The following MZT2B variants were observed in gnomAD, a reference collection of about 807,000 sequenced individuals.
MZT2B encodes the protein mitotic spindle organizing protein 2B, also known as mitotic-spindle organizing protein 2B.
In MZT2B, 11 loss-of-function variants were observed where a neutral mutation model predicts 12.1. The observed-to-expected ratio is 0.91, with a 90% CI of 0.57 to 1.50. The LOEUF (loss-of-function observed/expected upper bound fraction) is 1.50, where lower values mean the gene tolerates loss of function less well. MZT2B is among the 40% of genes most tolerant of loss of function. MZT2B has a pLI of 0.00. For synonymous variants in MZT2B, 85 were observed against 109.5 expected (o/e 0.78, Z 1.40); for missense variants, 209 against 227.7 (o/e 0.92, Z 0.53).
chr2:130,200,540 G>A, the MZT2B span, among the ~76,000 whole-genome samples: 108 of 152,346 alleles, frequency 7.1e-4, no homozygotes, highest in African/African-American at 2.0e-3. Flanking sequence ...CAAGGCGTGT[G>A]ACTGAAGTCC....
downstream of MZT2B, among the ~76,000 whole-genome samples, chr2:130,192,735 T>C (rs1348871209): frequency 6.6e-6 from 1 of 150,784 alleles, no homozygotes; most frequent in Non-Finnish European, 1.5e-5. Context: ...GGTAATAACA[T>C]GACCTGAGGT....
At chr2:130,191,067 A>G (rs753597305), downstream of MZT2B, among the ~76,000 whole-genome samples, 1 of 152,060 alleles carries the variant, frequency 6.6e-6, no homozygotes, top group African/African-American at 2.4e-5. Flanking sequence ...CTCCTGCCTC[A>G]GCCTCCCAAG....
At chr2:130,190,906 T>C (rs1690244439), downstream of MZT2B, among the ~76,000 whole-genome samples, 1 of 152,120 alleles carries the variant, frequency 6.6e-6, no homozygotes, top group South Asian at 2.1e-4. Context: ...CCAGGTCTTT[T>C]ATAAATAGAC....
At chr2:130,202,730 C>T in the MZT2B span, among the ~76,000 whole-genome samples, 13 of 152,212 alleles carry the variant, frequency 8.5e-5, no homozygotes, top group African/African-American at 2.2e-4. Context: ...AGTTCAACCC[C>T]GCAGAGTAAG....
At chr2:130,191,776 A>C, downstream of MZT2B, 1 of 1,570,336 alleles carries the variant, frequency 6.4e-7, no homozygotes, top group South Asian at 1.2e-5. Context: ...AATTGCAAAC[A>C]ACTTGAAAGC....
At chr2:130,198,609 G>T in the MZT2B span, 12 of 459,840 alleles carry the variant, frequency 2.6e-5, 3 homozygotes, top group Admixed American at 1.8e-4. Context: ...GGAAGGCAGC[G>T]GGGTCATCAA....
chr2:130,184,626 T>G (rs1573760826), intron 2 of MZT2B: 4 of 984,252 alleles, frequency 4.1e-6, no homozygotes, highest in South Asian at 9.4e-5. Flanking sequence ...CAAGGGAGGG[T>G]GGAGAGGGGC....
At chr2:130,181,753 C>A (rs1171668533), upstream of MZT2B, 5 of 1,548,322 alleles carry the variant, frequency 3.2e-6, no homozygotes, top group Non-Finnish European at 4.4e-6. Context: ...GGGAGTGGTC[C>A]TTAGCTGAAT....
intron 2 of MZT2B, chr2:130,184,914 C>T (rs546117503): frequency 2.0e-6 from 2 of 984,692 alleles, no homozygotes; most frequent in African/African-American, 1.7e-5. Context: ...CCTGTAATCC[C>T]AGCACTTTGG....
chr2:130,194,213 T>C (rs1202641453), downstream of MZT2B: 6 of 1,612,812 alleles, frequency 3.7e-6, no homozygotes, highest in African/African-American at 2.7e-5. Context: ...ACATATGTCA[T>C]AGATGGCTTC....
intron 2 of MZT2B, chr2:130,184,766 C>T: frequency 4.1e-6 from 4 of 985,432 alleles, no homozygotes; most frequent in African/African-American, 3.5e-5. Flanking sequence ...GCTGCTCACT[C>T]AGCACTCACT....
At chr2:130,192,793 G>A (rs372082409), downstream of MZT2B, among the ~76,000 whole-genome samples, 1 of 152,180 alleles carries the variant, frequency 6.6e-6, no homozygotes, top group African/African-American at 2.4e-5. Context: ...CAGCAAACTC[G>A]TTCTATAAAT....
At chr2:130,203,996 G>A in the MZT2B span, among the ~76,000 whole-genome samples, 1 of 146,528 alleles carries the variant, frequency 6.8e-6, no homozygotes, top group Non-Finnish European at 1.5e-5. Flanking sequence ...TGTTTGGCTG[G>A]GGTGAGGTGA....
intron 2 of MZT2B, chr2:130,183,951 T>G: frequency 6.4e-7 from 1 of 1,550,508 alleles, no homozygotes; most frequent in Non-Finnish European, 8.7e-7. Context: ...TTGCTGCCTG[T>G]TCTCTCCTTT....
At chr2:130,196,835 C>A in the MZT2B span, among the ~76,000 whole-genome samples, 1 of 152,170 alleles carries the variant, frequency 6.6e-6, no homozygotes, top group South Asian at 2.1e-4. Context: ...CCAGTTCTAC[C>A]CCGTCCATCA....
At chr2:130,182,600 C>T (rs1689780514) in intron 1 of MZT2B, 27 bp from the exon 2 acceptor site, 5 of 1,554,718 alleles carry the variant, frequency 3.2e-6, no homozygotes, top group African/African-American at 1.4e-5. Context: ...GGAGAGGGCT[C>T]ACCGGCCCCG....
the MZT2B span, among the ~76,000 whole-genome samples, chr2:130,200,642 G>C: frequency 6.6e-6 from 1 of 152,220 alleles, no homozygotes; most frequent in South Asian, 2.1e-4. Context: ...TGGTGAGAGG[G>C]AGTGGGTTTA....
chr2:130,200,514 C>T, the MZT2B span, among the ~76,000 whole-genome samples: 5 of 152,324 alleles, frequency 3.3e-5, no homozygotes, highest in African/African-American at 7.2e-5. Context: ...TAAACAGTCA[C>T]CCCAGGGCAT....
the MZT2B span, among the ~76,000 whole-genome samples, chr2:130,203,449 C>T: frequency 6.6e-6 from 1 of 151,952 alleles, no homozygotes; most frequent in African/African-American, 2.4e-5. Flanking sequence ...GACTAAACAG[C>T]CAGACTGTTG....
Sources: allele counts gnomAD v4.1 joint callset (sites outside exome capture counted in the v4.1 genomes callset), GRCh38; gene constraint gnomAD v4.1.1; transcripts MANE v1.5; gene names NCBI Gene and HGNC (gene_info 2026-07-23, HGNC 2026-07-21).